GALNS: variants seen among roughly 807,000 people sequenced by gnomAD.
GALNS encodes the protein galactosamine (N-acetyl)-6-sulfatase.
GALNS carries 65 observed loss-of-function variants against 65.9 expected under a neutral mutation model. The observed-to-expected ratio is 0.99, with a 90% CI of 0.81 to 1.21. The LOEUF is 1.21. Among genes scored for constraint, GALNS ranks in the 50% most tolerant of loss-of-function variants. The pLI, the probability that GALNS is intolerant of heterozygous loss-of-function variation, is 0.00. For synonymous variants in GALNS, 346 were observed against 288.9 expected, an observed-to-expected ratio of 1.20 and a Z score of -2.00; for missense variants, 776 against 700.7, an observed-to-expected ratio of 1.11 and a Z score of -1.21.
chr16:88,841,207 C>G, intron 3 of GALNS, 113 bp from the exon 4 acceptor site: 1 of 832,266 alleles, frequency 1.2e-6, no homozygotes, highest in Non-Finnish European at 2.0e-6. Flanking sequence ...ACACTGGCCC[C>G]TCGGGGTCAA....
intron 1 of GALNS, chr16:88,856,157 C>A (rs761097825): frequency 7.1e-6 from 5 of 702,864 alleles, no homozygotes; most frequent in South Asian, 5.9e-5. Flanking sequence ...CACTTGCCCA[C>A]CAGGAGACAT....
intron 1 of GALNS, chr16:88,843,384 C>T (rs1005780187): frequency 8.5e-5 from 36 of 424,554 alleles, no homozygotes; most frequent in South Asian, 6.1e-4. Flanking sequence ...TGCATACGAG[C>T]GTCCAGGGCA....
rs959972318 is a variant in GALNS at position 88,814,254 on chromosome 16, G to C, written c.*185C>G. ...AATCTGAGGCGCCGTGGGCGAGGAGGAGGGCCAAGCACACGCCAGGGTCAG... is the reference window on the plus strand; with the variant it reads ...AATCTGAGGCGCCGTGGGCGAGGAGCAGGGCCAAGCACACGCCAGGGTCAG... On this transcript the variant is annotated 3_prime_UTR_variant, in exon 14 of 14. Coordinates refer to ENST00000268695, the MANE Select transcript of GALNS (RefSeq NM_000512.5). 5 of 782,166 alleles carry C rather than the reference G, an allele frequency of 6.4e-6. No individual in the cohort carries two copies. In the African/African-American group the frequency reaches 8.6e-5, roughly 13 times the overall value. 48.5% of individuals were successfully genotyped at this position (782,166 alleles called of 1,614,324 possible).
intron 9 of GALNS, among the ~76,000 whole-genome samples, chr16:88,828,557 C>A (rs1911161932): frequency 6.6e-6 from 1 of 152,228 alleles, no homozygotes; most frequent in Admixed American, 6.5e-5. Context: ...AGGCCTGATG[C>A]CATCGAATTC....
chr16:88,853,532 C>G (rs1967607055), intron 1 of GALNS, among the ~76,000 whole-genome samples: 1 of 152,194 alleles, frequency 6.6e-6, no homozygotes, highest in African/African-American at 2.4e-5. Context: ...TGACTCTCCA[C>G]TTCCTCTGTG....
chr16:88,848,868 C>T (rs1967377059), intron 1 of GALNS, among the ~76,000 whole-genome samples: 1 of 152,234 alleles, frequency 6.6e-6, no homozygotes, highest in South Asian at 2.1e-4. Flanking sequence ...GGTGGCTGGA[C>T]ATCCAGGTCT....
chr16:88,832,645 C>G (rs1440505649), intron 8 of GALNS, among the ~76,000 whole-genome samples: 1 of 152,190 alleles, frequency 6.6e-6, no homozygotes, highest in East Asian at 1.9e-4. Flanking sequence ...ATCCCTGGCT[C>G]ACTCCCAGAC....
intron 6 of GALNS, 112 bp from the exon 7 acceptor site, chr16:88,835,961 C>A: frequency 6.6e-7 from 1 of 1,511,768 alleles, no homozygotes; most frequent in South Asian, 1.2e-5. Flanking sequence ...GTCCCCGTCC[C>A]CACGCGTCCC....
At chr16:88,839,330 G>A (rs1014549716) in intron 4 of GALNS, among the ~76,000 whole-genome samples, 3 of 152,242 alleles carry the variant, frequency 2.0e-5, no homozygotes, top group African/African-American at 7.2e-5. Flanking sequence ...GGACACTCGT[G>A]CTTCCACGTC....
chr16:88,832,137 C>T, intron 8 of GALNS, 36 bp from the exon 9 acceptor site: 2 of 1,550,758 alleles, frequency 1.3e-6, no homozygotes, highest in Non-Finnish European at 1.8e-6. Context: ...CCACTGGGAC[C>T]AGATGTCCCC....
chr16:88,855,599 T>A, intron 1 of GALNS: 1 of 650,450 alleles, frequency 1.5e-6, no homozygotes, highest in South Asian at 1.6e-5. Flanking sequence ...GTGGGGAAAT[T>A]ATGGGTGGTG....
intron 10 of GALNS, among the ~76,000 whole-genome samples, 157 bp from the exon 11 acceptor site, chr16:88,825,026 G>A (rs896509965): frequency 2.6e-5 from 4 of 152,220 alleles, no homozygotes; most frequent in African/African-American, 7.2e-5. Flanking sequence ...AGGCCCGCAA[G>A]GTGGCTGGGG....
intron 11 of GALNS, 111 bp downstream of exon 11, chr16:88,824,656 G>C (rs1227000365): frequency 2.4e-6 from 2 of 846,374 alleles, no homozygotes; most frequent in East Asian, 2.5e-5. Context: ...GGAGGGGGTG[G>C]AGTTCCTGCC....
chr16:88,832,249 G>A (rs1426698012), intron 8 of GALNS, 148 bp from the exon 9 acceptor site: 23 of 761,490 alleles, frequency 3.0e-5, no homozygotes, highest in Admixed American at 8.2e-5. Context: ...GAGCCTCGGG[G>A]TGGCTCTCCA....
At position 88,822,663 on chromosome 16, in the gene GALNS, G is replaced by T; in HGVS notation, c.1290C>A (p.His430Gln). Residue 430 changes from histidine to glutamine, a missense_variant, in exon 12 of 14, where the codon CAC becomes CAA. Coordinates refer to ENST00000268695, the MANE Select transcript of GALNS (RefSeq NM_000512.5). ...GCAGCTTCGTGTGGTCTTCCAGATT[G>T]TGAGTTGTGACCCCTGAAACGTTCT... ...PGQNVSGVTT[H>Q]NLEDHTKLPL... 6.2e-7 allele frequency: 1 copy of T among 1,613,186 alleles called. No homozygotes were observed. Among genetic ancestry groups the T allele is most frequent in the Non-Finnish European group, 8.5e-7 (1 of 1,179,842 alleles).
chr16:88,834,183 G>C (rs1310147342), intron 8 of GALNS, among the ~76,000 whole-genome samples: 1 of 152,256 alleles, frequency 6.6e-6, no homozygotes, highest in Non-Finnish European at 1.5e-5. Flanking sequence ...GGTGGGACGT[G>C]GCGCGAGGGA....
In GALNS at chr16:88,835,345, C is replaced by T. The variant is rs1912009006; in HGVS notation, c.766G>A (p.Asp256Asn). 1.2e-6 allele frequency: 2 copies of T among 1,613,616 alleles called. No individual in the cohort carries two copies. Among genetic ancestry groups the T allele is most frequent in the Non-Finnish European group, 1.7e-6 (2 of 1,179,900 alleles). The stretch of plus-strand genomic sequence containing the variant: ...CTGTCATCAATCTCCCGGACGGCGT[C>T]TCCATACCTGCAGGATGGTGACAAA... Reference protein sequence around the residue: ...LGTSQRGRYGDAVREIDDSIG... With the variant: ...LGTSQRGRYGNAVREIDDSIG... The change falls in exon 8 of 14, where the codon GAC becomes AAC. Residue 256 changes from aspartate to asparagine, a missense_variant. Transcript: ENST00000268695.
chr16:88,826,629 T>A, intron 10 of GALNS, 73 bp downstream of exon 10: 2 of 1,548,954 alleles, frequency 1.3e-6, no homozygotes, highest in Non-Finnish European at 8.8e-7. Context: ...GGCCTGGGGG[T>A]TGCACCTGAT....
Position 88,816,707 on chromosome 16 carries a change from C to T in GALNS, c.1482+1300G>A, listed in dbSNP as rs1262256381. ...CCCACGCTGTGGCTCCCTGGCTGTT[C>T]AGAGCCACCACCTTCCTTCCCACGG... is the stretch of plus-strand genomic sequence containing the variant. On this transcript the variant is annotated intron_variant, in intron 13 of 13. Transcript: ENST00000268695. 8 of 985,468 alleles carry T rather than the reference C, an allele frequency of 8.1e-6. No individual in the cohort carries two copies. The East Asian group carries it at 9.1e-4, about 112-fold the overall frequency. The allele number at this position is 985,468 out of a possible 1,614,324, so 61.0% of individuals were successfully genotyped here.
Sources: gnomAD v4.1 joint callset for allele counts (sites outside exome capture counted in the v4.1 genomes callset) on GRCh38, gnomAD v4.1.1 for gene constraint, MANE v1.5 for transcripts, NCBI Gene and HGNC (gene_info 2026-07-23, HGNC 2026-07-21) for gene names.